IL6R: variants seen among roughly 807,000 people sequenced by gnomAD.
IL6R encodes interleukin 6 receptor, also known as interleukin-6 receptor subunit alpha.
In IL6R, 38 loss-of-function variants were observed where a neutral mutation model predicts 48.3. The ratio of observed to expected loss-of-function variants is 0.79; its 90% CI spans 0.61 to 1.03. The LOEUF is 1.03. IL6R is among the 50% of genes least tolerant of loss of function. The pLI, the probability that IL6R is intolerant of heterozygous loss-of-function variation, is 0.00. For missense variants in IL6R, 534 were observed against 618.3 expected, an observed-to-expected ratio of 0.86 and a Z score of 1.45; for synonymous variants, 264 against 256.2, an observed-to-expected ratio of 1.03 and a Z score of -0.29.
In IL6R at chr1:154,435,117, A is replaced by G. The variant is rs1029556144; in HGVS notation, c.768A>G (p.Arg256=). The change falls in exon 5 of 10, where the codon AGA becomes AGG. Residue 256 remains arginine, a synonymous_variant. Coordinates refer to ENST00000368485, the MANE Select transcript of IL6R (RefSeq NM_000565.4). The stretch of plus-strand genomic sequence containing the variant: ...TCTACAGACTACGGTTTGAGCTCAG[A>G]TATCGGGCTGAACGGTCAAAGACAT... ...SSFYRLRFEL[R]YRAERSKTFT... 14 of 1,614,038 alleles carry G rather than the reference A, an allele frequency of 8.7e-6. No individual in the cohort carries two copies. The East Asian group carries it at 1.1e-4, about 13-fold the overall frequency.
At chr1:154,463,594 T>A (rs1691379984) in intron 9 of IL6R, among the ~76,000 whole-genome samples, 1 of 152,154 alleles carries the variant, frequency 6.6e-6, no homozygotes, top group South Asian at 2.1e-4. Context: ...GCCACCTTGT[T>A]CCCACTTTGG....
chr1:154,425,207 G>A (rs1688898225), intron 1 of IL6R, among the ~76,000 whole-genome samples: 1 of 152,068 alleles, frequency 6.6e-6, no homozygotes, highest in Admixed American at 6.6e-5. Flanking sequence ...TTTCTTTGGA[G>A]GCAGAAATTG....
chr1:154,433,706 C>T (rs1430698016), intron 3 of IL6R, among the ~76,000 whole-genome samples: 2 of 150,230 alleles, frequency 1.3e-5, no homozygotes, highest in Non-Finnish European at 2.9e-5. Context: ...CTAGTTTCCT[C>T]ATCTCTAGAT....
intron 7 of IL6R, 67 bp downstream of exon 7, chr1:154,448,238 C>A: frequency 7.7e-7 from 1 of 1,306,968 alleles, no homozygotes; most frequent in Non-Finnish European, 1.1e-6. Context: ...TGGGCTGATG[C>A]CAGACCGAAT....
chr1:154,418,448 G>A, intron 1 of IL6R: 1 of 977,424 alleles, frequency 1.0e-6, no homozygotes, highest in Non-Finnish European at 1.2e-6. Flanking sequence ...TACTGACTCA[G>A]ACAAATACAA....
Position 154,465,484 on chromosome 1 carries a change from G to T in IL6R, c.*104G>T. ...CCATGCCAGCTTATCTCAGGGGTGT[G>T]CGGCCTTTGGCTTCACGGAAGAGCC... On this transcript the variant is annotated 3_prime_UTR_variant, in exon 10 of 10. Transcript: ENST00000368485. 7.5e-7 allele frequency: 1 copy of T among 1,340,558 alleles called. No homozygotes were observed. 83.0% of individuals were successfully genotyped at this position (1,340,558 alleles called of 1,614,324 possible).
intron 1 of IL6R, among the ~76,000 whole-genome samples, chr1:154,417,087 C>G (rs1172949450): frequency 6.6e-6 from 1 of 152,178 alleles, no homozygotes; most frequent in African/African-American, 2.4e-5. Flanking sequence ...GTCCCTCCCT[C>G]TCCCTGCCCT....
chr1:154,423,091 G>A (rs1208611511), intron 1 of IL6R, among the ~76,000 whole-genome samples: 1 of 151,686 alleles, frequency 6.6e-6, no homozygotes, highest in African/African-American at 2.4e-5. Flanking sequence ...AGCAGTGCAA[G>A]GGCAAAGTGG....
At chr1:154,447,438 C>CAA (rs201893129) in intron 6 of IL6R, among the ~76,000 whole-genome samples, 418 of 38,308 alleles carry the variant, frequency 0.011, 7 homozygotes, top group African/African-American at 0.016. Flanking sequence ...AACTCCATCT[C>CAA]AAAAAAAAAA....
intron 6 of IL6R, among the ~76,000 whole-genome samples, chr1:154,442,524 G>C (rs1689994084): frequency 1.3e-5 from 2 of 152,210 alleles, no homozygotes; most frequent in Non-Finnish European, 2.9e-5. Flanking sequence ...ATGCCATAGA[G>C]TGGGGCTCTG....
chr1:154,413,095 G>A (rs898850800), intron 1 of IL6R, among the ~76,000 whole-genome samples: 6 of 151,480 alleles, frequency 4.0e-5, no homozygotes, highest in Admixed American at 1.3e-4. Flanking sequence ...TCTGCCTCCC[G>A]GGTTCAAGCA....
At chr1:154,428,617 G>A (rs58281895) in intron 1 of IL6R, among the ~76,000 whole-genome samples, 5,250 of 152,308 alleles carry the variant, frequency 0.034, 204 homozygotes, top group African/African-American at 0.097. Flanking sequence ...GAACAAAGCA[G>A]GGTGCCTACT....
intron 1 of IL6R, among the ~76,000 whole-genome samples, chr1:154,409,167 A>C (rs1687891309): frequency 6.6e-6 from 1 of 152,126 alleles, no homozygotes; most frequent in Admixed American, 6.5e-5. Context: ...TCAAATAAAA[A>C]CTTAGTTTCT....
At chr1:154,419,725 C>T (rs1178435319) in intron 1 of IL6R, among the ~76,000 whole-genome samples, 1 of 152,218 alleles carries the variant, frequency 6.6e-6, no homozygotes, top group Non-Finnish European at 1.5e-5. Context: ...GGAAGCTGAA[C>T]TTGTTTTTGC....
chr1:154,452,872 A>T (rs1300891372), intron 8 of IL6R, among the ~76,000 whole-genome samples: 1 of 151,700 alleles, frequency 6.6e-6, no homozygotes, highest in African/African-American at 2.4e-5. Context: ...ATTTAGATAC[A>T]TGATAGGCAC....
intron 1 of IL6R, among the ~76,000 whole-genome samples, chr1:154,413,761 A>T (rs1183962273): frequency 6.9e-6 from 1 of 145,508 alleles, no homozygotes; most frequent in Non-Finnish European, 1.5e-5. Context: ...TTAACATGTC[A>T]TACATGACTT....
In IL6R at chr1:154,465,488, C is replaced by A; in HGVS notation, c.*108C>A. On this transcript the variant is annotated 3_prime_UTR_variant, in exon 10 of 10. Coordinates refer to ENST00000368485, the MANE Select transcript of IL6R (RefSeq NM_000565.4). ...GCCAGCTTATCTCAGGGGTGTGCGG[C>A]CTTTGGCTTCACGGAAGAGCCTTGC... 1 of 1,317,138 alleles carries A rather than the reference C, an allele frequency of 7.6e-7. No homozygotes were observed. The highest frequency in any genetic ancestry group is 2.3e-5 in the East Asian group (1 of 43,076). The allele number at this position is 1,317,138 out of a possible 1,614,324, so 81.6% of individuals were successfully genotyped here.
At chr1:154,438,210 C>CT (rs146568478) in intron 6 of IL6R, among the ~76,000 whole-genome samples, 19,199 of 148,160 alleles carry the variant, frequency 0.13, 1,392 homozygotes, top group South Asian at 0.19. Flanking sequence ...GCTTATATGG[C>CT]TTTTTTTTTT....
At chr1:154,447,120 C>T (rs906861407) in intron 6 of IL6R, among the ~76,000 whole-genome samples, 4 of 150,184 alleles carry the variant, frequency 2.7e-5, no homozygotes, top group African/African-American at 7.4e-5. Context: ...AGCCTGGCGA[C>T]GGAGCGAGAC....
Sources: gnomAD v4.1 joint callset for allele counts (sites outside exome capture counted in the v4.1 genomes callset) on GRCh38, gnomAD v4.1.1 for gene constraint, MANE v1.5 for transcripts, NCBI Gene and HGNC (gene_info 2026-07-23, HGNC 2026-07-21) for gene names.